INSR: variants seen among roughly 807,000 people sequenced by gnomAD.
INSR encodes insulin receptor.
A neutral mutation model predicts 142.6 loss-of-function variants in INSR; 67 were observed. The observed-to-expected ratio is 0.47, with a 90% confidence interval of 0.39 to 0.58. The LOEUF (loss-of-function observed/expected upper bound fraction) is 0.58. INSR is among the 20% of genes least tolerant of loss of function. The probability of loss-of-function intolerance (pLI) is 0.00; values close to 1 mark genes in which losing one functional copy is unlikely to be tolerated. For synonymous variants in INSR, 756 were observed against 743.1 expected (o/e 1.02, Z -0.28); for missense variants, 1,248 against 1,833.2 (o/e 0.68, Z 5.83).
At chr19:7,204,133 C>T (rs1975039184) in intron 2 of INSR, among the ~76,000 whole-genome samples, 1 of 152,018 alleles carries the variant, frequency 6.6e-6, no homozygotes, top group South Asian at 2.1e-4. Flanking sequence ...ATCTCTGCCT[C>T]CCGGGTTCAA....
chr19:7,287,625 T>C (rs1047649111), intron 1 of INSR, among the ~76,000 whole-genome samples: 1 of 152,322 alleles, frequency 6.6e-6, no homozygotes, highest in African/African-American at 2.4e-5. Context: ...CATGGCTAAG[T>C]AGGCAACATC....
rs1974636255 is a variant in INSR, at chr19:7,192,725, T to C, written c.653-8088A>G. ...CCCCTCTCCAAAAATGCAAGTTCTG[T>C]GTCCATCCGCTGTCTCCCCTTCAAA... On this transcript the variant is annotated intron_variant, in intron 2 of 21. Coordinates refer to ENST00000302850, the MANE Select transcript of INSR (RefSeq NM_000208.4). This position sits in a 1 kb window ranked among gnomAD's most constrained non-coding sequence, Gnocchi z 4.2. 6.6e-6 allele frequency among the ~76,000 whole-genome samples: 1 copy of C among 152,182 alleles called. No homozygotes were observed. The highest frequency in any genetic ancestry group is 6.5e-5 in the Admixed American group (1 of 15,272).
chr19:7,180,375 T>C (rs76043867), intron 3 of INSR, among the ~76,000 whole-genome samples: 12,945 of 151,796 alleles, frequency 0.085, 643 homozygotes, highest in South Asian at 0.23. Context: ...TACAGAATTT[T>C]TTTTTAGCCA....
chr19:7,132,946 ATTTGT>A (rs1269048576), intron 13 of INSR, among the ~76,000 whole-genome samples: 7 of 152,188 alleles, frequency 4.6e-5, no homozygotes, highest in African/African-American at 1.2e-4. Flanking sequence ...TCTAAAAATC[ATTTGT>A]TTTATTTTTA....
chr19:7,137,797 T>TCAAA (rs1223186071), intron 13 of INSR, among the ~76,000 whole-genome samples: 5 of 2,854 alleles, frequency 1.8e-3, no homozygotes, highest in Non-Finnish European at 4.4e-3. Context: ...AGACTCCATC[T>TCAAA]CAAAAAAAAA....
chr19:7,199,751 A>G (rs1315181012), intron 2 of INSR, among the ~76,000 whole-genome samples: 3 of 150,214 alleles, frequency 2.0e-5, no homozygotes, highest in South Asian at 2.1e-4. Context: ...ACCTCGACCC[A>G]CCCAGATCTG....
In INSR at chr19:7,122,689, C is replaced by T. The variant is rs777183063; in HGVS notation, c.3454G>A (p.Ala1152Thr). Reference sequence around the variant, plus strand: ...AGGTCCCGATGCACAAACTTCTTGGCGTTCAGGTAGGCCATCCCGTCAGCA... The same window carrying T: ...AGGTCCCGATGCACAAACTTCTTGGTGTTCAGGTAGGCCATCCCGTCAGCA... ...EIADGMAYLN[A>T]KKFVHRDLAA... The change falls in exon 19 of 22, where the codon GCC becomes ACC. Residue 1152 changes from alanine to threonine, a missense_variant. Coordinates refer to ENST00000302850, the MANE Select transcript of INSR (RefSeq NM_000208.4). The T allele has an allele frequency of 1.9e-6, 3 of 1,614,142 alleles. No individual in the cohort carries two copies. Among genetic ancestry groups the T allele is most frequent in the Non-Finnish European group, 2.5e-6 (3 of 1,180,016 alleles).
chr19:7,131,415 G>A (rs934895312), intron 14 of INSR, among the ~76,000 whole-genome samples: 8 of 151,530 alleles, frequency 5.3e-5, no homozygotes, highest in African/African-American at 1.9e-4. Context: ...GCACGATCTC[G>A]GTTCACTGCA....
At position 7,122,879 on chromosome 19, in the gene INSR, C is replaced by T. The variant is rs1414934191; in HGVS notation, c.3369G>A (p.Glu1123=). Residue 1123 remains glutamate (E), a splice_region_variant and synonymous_variant, in exon 18 of 22, where the codon GAG becomes GAA. Coordinates refer to ENST00000302850, the MANE Select transcript of INSR (RefSeq NM_000208.4). ...SYLRSLRPEA[E]NNPGRPPPTL... Reference sequence around the variant, plus strand: ...CGCTGGGTCCCCCGAAGCAGCTTACCTCAGCCTCTGGCCGCAGAGAACGGA... The same window carrying T: ...CGCTGGGTCCCCCGAAGCAGCTTACTTCAGCCTCTGGCCGCAGAGAACGGA... The T allele has an allele frequency of 6.2e-7, 1 of 1,609,908 alleles. No homozygotes were observed. The highest frequency in any genetic ancestry group is 8.5e-7 in the Non-Finnish European group (1 of 1,178,576).
chr19:7,172,858 C>A (rs1002161112), intron 4 of INSR, among the ~76,000 whole-genome samples: 10 of 142,452 alleles, frequency 7.0e-5, no homozygotes, highest in African/African-American at 2.4e-4. Flanking sequence ...CATGGTGAAA[C>A]CCTGTCTCTA....
chr19:7,136,119 C>A (rs529848266), intron 13 of INSR, among the ~76,000 whole-genome samples: 21 of 152,188 alleles, frequency 1.4e-4, no homozygotes, highest in Middle Eastern at 3.4e-3. Flanking sequence ...TTTTGCCACG[C>A]TCGTGGGCAT....
chr19:7,268,685 A>C, intron 1 of INSR: 1 of 758,682 alleles, frequency 1.3e-6, no homozygotes, highest in Non-Finnish European at 1.6e-6. Context: ...GCACTCAAAC[A>C]GTGCCTGAGA....
At position 7,125,199 on chromosome 19, in the gene INSR, C is replaced by T. The variant is rs1972615743; in HGVS notation, c.3258+84G>A. 4 of 1,558,328 alleles carry T rather than the reference C, an allele frequency of 2.6e-6. No individual in the cohort carries two copies. The highest frequency in any genetic ancestry group is 3.5e-6 in the Non-Finnish European group (4 of 1,136,264). On this transcript the variant is annotated intron_variant, in intron 17 of 21. Transcript: ENST00000302850. This position sits in a 1 kb window ranked among gnomAD's most constrained non-coding sequence, Gnocchi z 4.9. ...TGGGTAGGAGGTTACACCCTGTGTC[C>T]TCTGTCGCTCTGTGCAGGAGGAGGA...
chr19:7,195,340 C>G (rs1365473196), intron 2 of INSR, among the ~76,000 whole-genome samples: 1 of 152,128 alleles, frequency 6.6e-6, no homozygotes, highest in Non-Finnish European at 1.5e-5. Flanking sequence ...CTGGCCTGTG[C>G]TCTTCAAAAC....
At chr19:7,195,890 C>A (rs62111420) in intron 2 of INSR, among the ~76,000 whole-genome samples, 17,013 of 151,164 alleles carry the variant, frequency 0.11, 1,097 homozygotes, top group African/African-American at 0.17. Flanking sequence ...ACAACGGCAC[C>A]AGTACCATCA....
chr19:7,186,427 T>C (rs1974432873), intron 2 of INSR, among the ~76,000 whole-genome samples: 1 of 152,192 alleles, frequency 6.6e-6, no homozygotes, highest in Non-Finnish European at 1.5e-5. Flanking sequence ...ACTTCTCCCC[T>C]GTGGCTTCTG....
At position 7,122,479 on chromosome 19, in the gene INSR, C is replaced by A. The variant is rs997592087; in HGVS notation, c.3529+135G>T. The A allele has an allele frequency of 3.3e-4, 308 of 939,172 alleles. 1 individual carries two copies. Among genetic ancestry groups the A allele is most frequent in the Non-Finnish European group, 3.8e-4 (236 of 614,444 alleles). The allele number at this position is 939,172 out of a possible 1,614,324, so 58.2% of individuals were successfully genotyped here. On this transcript the variant is annotated intron_variant, in intron 19 of 21. Transcript: ENST00000302850. ...AAAAGACAAAACAAAACAAAAAAAACCCCACAAAAAAAAAAGAAGTATCTT... is the reference window on the plus strand; with the variant it reads ...AAAAGACAAAACAAAACAAAAAAAAACCCACAAAAAAAAAAGAAGTATCTT...
At chr19:7,200,992 C>A (rs1374597478) in intron 2 of INSR, among the ~76,000 whole-genome samples, 1 of 152,022 alleles carries the variant, frequency 6.6e-6, no homozygotes, top group Non-Finnish European at 1.5e-5. Context: ...GGTGCAAAAA[C>A]CCCTGTTTGT....
At position 7,116,757 on chromosome 19, in the gene INSR, T is replaced by TG; in HGVS notation, c.*298dup. ...AAACAGGTGCTTTCTTTCCATCTGC[T>TG]GGGGGCGGGTGGGGGGAACGAAAAA... On this transcript the variant is annotated 3_prime_UTR_variant, in exon 22 of 22. Coordinates refer to ENST00000302850, the MANE Select transcript of INSR (RefSeq NM_000208.4). The TG allele has an allele frequency of 5.1e-6, 1 of 194,800 alleles. No individual in the cohort carries two copies. The highest frequency in any genetic ancestry group is 9.3e-6 in the Non-Finnish European group (1 of 107,828). The allele number at this position is 194,800 out of a possible 1,614,324, so 12.1% of individuals were successfully genotyped here. A position where few individuals can be genotyped will look rare whatever the true frequency, so the allele number is the denominator to read the frequency against.
Sources: gnomAD v4.1 joint callset for allele counts (sites outside exome capture counted in the v4.1 genomes callset) on GRCh38, gnomAD v4.1.1 for gene constraint, Gnocchi (gnomAD v3.1) non-coding constraint, MANE v1.5 for transcripts, NCBI Gene and HGNC (gene_info 2026-07-23, HGNC 2026-07-21) for gene names.